PIK3C3: variants seen among roughly 807,000 people sequenced by gnomAD.
PIK3C3 encodes PI3-kinase type 3.
PIK3C3 carries 95 observed loss-of-function variants against 126.1 expected under a neutral mutation model. The observed-to-expected ratio is 0.75, with a 90% CI of 0.64 to 0.89. The LOEUF (loss-of-function observed/expected upper bound fraction) is 0.89. PIK3C3 is among the 40% of genes least tolerant of loss of function. PIK3C3 has a pLI of 0.00. For synonymous variants in PIK3C3, 374 were observed against 360.0 expected (o/e 1.04, Z -0.44); for missense variants, 829 against 1,063.2 (o/e 0.78, Z 3.06).
chr18:42,010,329 T>C (rs561417842), intron 10 of PIK3C3, among the ~76,000 whole-genome samples: 1 of 152,240 alleles, frequency 6.6e-6, no homozygotes, highest in East Asian at 1.9e-4. Context: ...GTTTTTTTGC[T>C]ATTTCCGTGA....
chr18:41,985,450 A>G (rs1981421694), intron 4 of PIK3C3, among the ~76,000 whole-genome samples: 1 of 152,132 alleles, frequency 6.6e-6, no homozygotes, highest in Non-Finnish European at 1.5e-5. Flanking sequence ...CATGCAAACA[A>G]TTTCCATAGC....
chr18:42,047,825 A>G (rs1044461529), intron 20 of PIK3C3, among the ~76,000 whole-genome samples: 7 of 152,340 alleles, frequency 4.6e-5, no homozygotes, highest in Middle Eastern at 3.4e-3. Flanking sequence ...TTCAAGTGAT[A>G]GTGATACTGC....
chr18:41,959,439 A>G (rs946527698), intron 2 of PIK3C3, among the ~76,000 whole-genome samples: 3 of 152,000 alleles, frequency 2.0e-5, no homozygotes, highest in South Asian at 2.1e-4. Context: ...AAAGTACTGG[A>G]AAGTACGCTA....
chr18:42,055,743 T>C (rs1194171834), intron 21 of PIK3C3, among the ~76,000 whole-genome samples: 4 of 152,004 alleles, frequency 2.6e-5, no homozygotes, highest in Non-Finnish European at 4.4e-5. Context: ...AGAAGAGGTA[T>C]GAAAAACAGA....
intron 16 of PIK3C3, among the ~76,000 whole-genome samples, chr18:42,035,421 T>C (rs551052464): frequency 1.1e-4 from 16 of 152,254 alleles, no homozygotes; most frequent in African/African-American, 3.4e-4. Context: ...TAAGAAGATA[T>C]ATCTCCCTCT....
intron 10 of PIK3C3, among the ~76,000 whole-genome samples, chr18:42,012,786 A>C (rs1982889354): frequency 6.6e-6 from 1 of 152,152 alleles, no homozygotes; most frequent in African/African-American, 2.4e-5. Flanking sequence ...TAGTCTTAGC[A>C]ATTTGTTTTG....
At chr18:42,062,238 C>CT (rs59113345) in intron 22 of PIK3C3, among the ~76,000 whole-genome samples, 37,305 of 142,434 alleles carry the variant, frequency 0.26, 5,206 homozygotes, top group South Asian at 0.4. Flanking sequence ...GAAAGAGCAT[C>CT]TTTTTTTTTT....
chr18:41,968,314 C>T (rs754640751), intron 3 of PIK3C3, among the ~76,000 whole-genome samples: 51 of 152,254 alleles, frequency 3.3e-4, no homozygotes, highest in Non-Finnish European at 4.1e-4. Context: ...TCTCACTGTA[C>T]GTAGTTCCTT....
At chr18:42,045,769 T>G (rs1394149357) in intron 20 of PIK3C3, among the ~76,000 whole-genome samples, 1 of 152,202 alleles carries the variant, frequency 6.6e-6, no homozygotes, top group Non-Finnish European at 1.5e-5. Flanking sequence ...TGTGGCCATT[T>G]CCATTAGTAC....
At chr18:42,039,330 T>C (rs142789797) in intron 18 of PIK3C3, among the ~76,000 whole-genome samples, 2 of 152,212 alleles carry the variant, frequency 1.3e-5, no homozygotes, top group East Asian at 1.9e-4. Flanking sequence ...CCAAATCTTT[T>C]TGATGCCTTA....
At chr18:41,996,052 C>T in intron 8 of PIK3C3, 58 bp downstream of exon 8, 1 of 1,096,508 alleles carries the variant, frequency 9.1e-7, no homozygotes. Flanking sequence ...CTGGTTGAAA[C>T]TGATAGCTAT....
intron 10 of PIK3C3, among the ~76,000 whole-genome samples, chr18:42,010,949 G>A: frequency 6.6e-6 from 1 of 152,192 alleles, no homozygotes; most frequent in East Asian, 1.9e-4. Flanking sequence ...AATGTAAATG[G>A]CATTCAACTT....
At chr18:41,972,039 C>T (rs539706377) in intron 4 of PIK3C3, among the ~76,000 whole-genome samples, 38 of 152,042 alleles carry the variant, frequency 2.5e-4, no homozygotes, top group African/African-American at 8.7e-4. Flanking sequence ...TTTCAGGCAT[C>T]GGTGTATGGA....
chr18:42,056,911 A>G (rs1205697491), intron 21 of PIK3C3, among the ~76,000 whole-genome samples: 1 of 152,010 alleles, frequency 6.6e-6, no homozygotes, highest in African/African-American at 2.4e-5. Context: ...TGAATTATGG[A>G]CTTTCCTTGG....
chr18:42,070,808 CTT>C (rs1297644743), intron 24 of PIK3C3, among the ~76,000 whole-genome samples: 9 of 152,128 alleles, frequency 5.9e-5, no homozygotes, highest in Admixed American at 1.3e-4. Flanking sequence ...GCTGAGAGCT[CTT>C]TGAGTTATTG....
At position 41,966,992 on chromosome 18, in the gene PIK3C3, C is replaced by G. The variant is rs1194280779; in HGVS notation, c.402-3335C>G. Among the ~76,000 whole-genome samples, 3 of 152,134 alleles carry G rather than the reference C, an allele frequency of 2.0e-5. No individual in the cohort carries two copies. The East Asian group carries it at 5.8e-4, about 29-fold the overall frequency. On this transcript the variant is annotated intron_variant, in intron 3 of 24. Transcript: ENST00000262039. ...CCCCTGTACTGGCGCTTGTACTGACCTTCACCTCAGAAGAAGGAATTCTAA... is the reference window on the plus strand; with the variant it reads ...CCCCTGTACTGGCGCTTGTACTGACGTTCACCTCAGAAGAAGGAATTCTAA...
intron 18 of PIK3C3, among the ~76,000 whole-genome samples, chr18:42,040,449 C>T (rs1984259683): frequency 6.6e-6 from 1 of 151,624 alleles, no homozygotes; most frequent in Non-Finnish European, 1.5e-5. Context: ...AGAAATTAGC[C>T]TAGAGAAACA....
At chr18:41,988,750 A>G (rs1182945473) in intron 5 of PIK3C3, among the ~76,000 whole-genome samples, 1 of 152,140 alleles carries the variant, frequency 6.6e-6, no homozygotes, top group Non-Finnish European at 1.5e-5. Flanking sequence ...TTTATATTCA[A>G]TTCTCGTATT....
At chr18:42,005,023 A>G (rs1035453148) in intron 10 of PIK3C3, among the ~76,000 whole-genome samples, 4 of 152,182 alleles carry the variant, frequency 2.6e-5, no homozygotes, top group African/African-American at 9.6e-5. Flanking sequence ...GCTGATGACA[A>G]TTATATGTAT....
Sources: gnomAD v4.1 joint callset for allele counts (sites outside exome capture counted in the v4.1 genomes callset) on GRCh38, gnomAD v4.1.1 for gene constraint, MANE v1.5 for transcripts, NCBI Gene and HGNC (gene_info 2026-07-23, HGNC 2026-07-21) for gene names.